The following CYTIP variants were observed in gnomAD, a reference collection of about 807,000 sequenced individuals.
CYTIP encodes cytohesin 1 interacting protein.
Under a neutral mutation model 43.8 loss-of-function variants are expected in CYTIP, and 26 were observed. The ratio of observed to expected loss-of-function variants is 0.59; its 90% CI spans 0.44 to 0.82. The LOEUF (loss-of-function observed/expected upper bound fraction) is 0.82. Among genes scored for constraint, CYTIP ranks in the 40% least tolerant of loss-of-function variants. CYTIP has a pLI of 0.00. For synonymous variants in CYTIP, 162 were observed against 162.9 expected, an observed-to-expected ratio of 0.99 and a Z score of 0.04; for missense variants, 426 against 443.1, an observed-to-expected ratio of 0.96 and a Z score of 0.35.
At chr2:157,433,337 A>C (rs1191299936) in intron 3 of CYTIP, among the ~76,000 whole-genome samples, 3 of 152,176 alleles carry the variant, frequency 2.0e-5, no homozygotes, top group African/African-American at 7.2e-5. Flanking sequence ...AGGAAAGTAG[A>C]AGTGATCCTC....
chr2:157,430,210 C>T (rs1291834007), intron 5 of CYTIP, among the ~76,000 whole-genome samples: 1 of 152,034 alleles, frequency 6.6e-6, no homozygotes, highest in African/African-American at 2.4e-5. Flanking sequence ...GTTTTAGCTA[C>T]AGGATTATAT....
chr2:157,434,471 T>G, intron 2 of CYTIP, 47 bp from the exon 3 acceptor site: 1 of 1,414,064 alleles, frequency 7.1e-7, no homozygotes, highest in South Asian at 1.2e-5. Flanking sequence ...AATTAAAGTA[T>G]CACATTTGGC....
intron 6 of CYTIP, among the ~76,000 whole-genome samples, chr2:157,419,382 A>T (rs1320936929): frequency 6.6e-6 from 1 of 152,168 alleles, no homozygotes; most frequent in Non-Finnish European, 1.5e-5. Context: ...ACTGCTAAGC[A>T]CCCTAACTTC....
At chr2:157,439,616 G>C (rs1459220) in intron 1 of CYTIP, among the ~76,000 whole-genome samples, 2,829 of 152,258 alleles carry the variant, frequency 0.019, 72 homozygotes, top group Admixed American at 0.075. Flanking sequence ...TGAGGAACTG[G>C]TGTGCAATTC....
chr2:157,428,563 A>T (rs1227037716), intron 5 of CYTIP, among the ~76,000 whole-genome samples: 2 of 152,236 alleles, frequency 1.3e-5, no homozygotes, highest in African/African-American at 2.4e-5. Flanking sequence ...CATTTTCCTC[A>T]GTATTTGTAC....
chr2:157,423,674 T>C (rs1264810909), intron 6 of CYTIP, among the ~76,000 whole-genome samples: 1 of 151,902 alleles, frequency 6.6e-6, no homozygotes, highest in East Asian at 1.9e-4. Context: ...AAAGATAATC[T>C]AAGAAAATAA....
chr2:157,418,419 A>T (rs1685471299), intron 7 of CYTIP, 104 bp downstream of exon 7: 3 of 1,172,486 alleles, frequency 2.6e-6, no homozygotes, highest in Non-Finnish European at 3.7e-6. Context: ...GACCAGCACT[A>T]GACAAATTTT....
chr2:157,436,580 G>A (rs954494029), intron 1 of CYTIP, among the ~76,000 whole-genome samples: 41 of 151,450 alleles, frequency 2.7e-4, no homozygotes, highest in Admixed American at 2.0e-4. Flanking sequence ...CATATAGAGA[G>A]AGCTATATAT....
chr2:157,434,611 GAGAGAGGA>G, intron 2 of CYTIP, 79 bp downstream of exon 2: 3 of 984,216 alleles, frequency 3.0e-6, no homozygotes, highest in Non-Finnish European at 3.2e-6. Flanking sequence ...GAGAGAGAGA[GAGAGAGGA>G]AGAGAGAGGA....
At chr2:157,441,761 C>T (rs780379812) in intron 1 of CYTIP, among the ~76,000 whole-genome samples, 6 of 152,164 alleles carry the variant, frequency 3.9e-5, no homozygotes, top group Non-Finnish European at 7.3e-5. Flanking sequence ...GTGACTCCTC[C>T]GTCTTCAGTC....
chr2:157,440,828 T>C (rs1685896482), intron 1 of CYTIP, among the ~76,000 whole-genome samples: 1 of 152,182 alleles, frequency 6.6e-6, no homozygotes, highest in African/African-American at 2.4e-5. Flanking sequence ...AGCAACGTAC[T>C]ACATTTATGA....
In CYTIP at chr2:157,430,954, C is replaced by T. The variant is rs768189281; in HGVS notation, c.288G>A (p.Arg96=). Reference sequence around the variant, plus strand: ...AGGAGCAGGCATTCTGATTCTGGGGCCTGTAAGACTGTAAAAATTAAGATG... The same window carrying T: ...AGGAGCAGGCATTCTGATTCTGGGGTCTGTAAGACTGTAAAAATTAAGATG... ...ETFGFEIQSY[R]PQNQNACSSE... is the part of the protein sequence containing the mutation. The change falls in exon 4 of 8, where the codon AGG becomes AGA. Residue 96 remains arginine (R), a synonymous_variant. Coordinates refer to ENST00000264192, the MANE Select transcript of CYTIP (RefSeq NM_004288.5). 1 of 1,606,580 alleles carries T rather than the reference C, an allele frequency of 6.2e-7. No individual in the cohort carries two copies. Among genetic ancestry groups the T allele is most frequent in the Non-Finnish European group, 8.5e-7 (1 of 1,178,008 alleles).
intron 6 of CYTIP, 117 bp downstream of exon 6, chr2:157,427,234 A>T: frequency 1.3e-6 from 1 of 794,690 alleles, no homozygotes; most frequent in Non-Finnish European, 2.0e-6. Context: ...TCAGCAGTTT[A>T]GATTCACCAC....
Position 157,430,572 on chromosome 2 carries a change from C to G in CYTIP, c.463G>C (p.Gly155Arg). 1 of 1,614,036 alleles carries G rather than the reference C, an allele frequency of 6.2e-7. No homozygotes were observed. ...ACAGATAGTTACGTTAGCAGGTTTC[C>G]GGACGATCTGATCAGGTCAACGACT... ...KQVVDLIRSS[G>R]NLLTIETLNG... The change falls in exon 5 of 8, where the codon GGA becomes CGA. Residue 155 changes from glycine to arginine, a missense_variant. Physicochemically the swap from Gly to Arg is moderately radical, Grantham distance 125 (BLOSUM62 -2). Transcript: ENST00000264192.
intron 6 of CYTIP, among the ~76,000 whole-genome samples, chr2:157,422,512 T>C (rs1685537801): frequency 6.6e-6 from 1 of 151,676 alleles, no homozygotes; most frequent in Non-Finnish European, 1.5e-5. Flanking sequence ...CTACTAAAAA[T>C]ACAAAAAGTT....
intron 6 of CYTIP, among the ~76,000 whole-genome samples, chr2:157,423,885 A>G (rs1039605319): frequency 6.6e-6 from 1 of 152,186 alleles, no homozygotes; most frequent in Non-Finnish European, 1.5e-5. Flanking sequence ...TTTTCAAATG[A>G]ATAAATGAGA....
At chr2:157,422,686 A>C (rs1244935705) in intron 6 of CYTIP, among the ~76,000 whole-genome samples, 1 of 151,626 alleles carries the variant, frequency 6.6e-6, no homozygotes, top group Non-Finnish European at 1.5e-5. Context: ...AAAAAAAAAA[A>C]AGAAAAGTGT....
Position 157,427,363 on chromosome 2 carries a change from C to A in CYTIP, c.534G>T (p.Leu178=), listed in dbSNP as rs1685628569. The change falls in exon 6 of 8, where the codon CTG becomes CTT. Residue 178 remains leucine (L), a synonymous_variant. Transcript: ENST00000264192. ...ILKRTELEAK[L]QVLKQTLKQK... ...TAAATTAAATTACCTTTAAAACCTG[C>A]AGCTTTGCTTCAAGCTCCGTTCTTT... The A allele has an allele frequency of 6.2e-7, 1 of 1,609,790 alleles. No individual in the cohort carries two copies. Among genetic ancestry groups the A allele is most frequent in the Admixed American group, 1.7e-5 (1 of 59,584 alleles).
intron 6 of CYTIP, among the ~76,000 whole-genome samples, chr2:157,422,011 A>C (rs928474050): frequency 7.2e-5 from 11 of 152,246 alleles, no homozygotes; most frequent in Non-Finnish European, 1.5e-4. Context: ...AGAAAAAAAC[A>C]TTGGCTGAAG....
Sources: allele counts gnomAD v4.1 joint callset (sites outside exome capture counted in the v4.1 genomes callset), GRCh38; gene constraint gnomAD v4.1.1; transcripts MANE v1.5; gene names NCBI Gene and HGNC (gene_info 2026-07-23, HGNC 2026-07-21).